INPP5B: variants seen among roughly 807,000 people sequenced by gnomAD.
INPP5B encodes type II inositol 1,4,5-trisphosphate 5-phosphatase.
INPP5B carries 90 observed loss-of-function variants against 118.5 expected under a neutral mutation model. The ratio of observed to expected loss-of-function variants is 0.76; its 90% CI spans 0.64 to 0.90. INPP5B has a LOEUF of 0.90. Ranked by LOEUF, INPP5B falls within the 40% of genes least tolerant of loss-of-function variation. INPP5B has a pLI of 0.00. For synonymous variants in INPP5B, 385 were observed against 418.9 expected (o/e 0.92, Z 0.99); for missense variants, 984 against 1,125.6 (o/e 0.87, Z 1.80).
chr1:37,880,078 G>T lies in INPP5B; in HGVS notation c.1541+7C>A. On this transcript the variant is annotated splice_region_variant and intron_variant, in intron 15 of 23. Coordinates refer to ENST00000373024, the MANE Select transcript of INPP5B (RefSeq NM_005540.3). The stretch of plus-strand genomic sequence containing the variant: ...TGCTCAACCCTTTGAAGCAACCTCT[G>T]ACCTACCTGGTATCCCAGTCGTCAG... 2 of 1,594,454 alleles carry T rather than the reference G, an allele frequency of 1.3e-6. No individual in the cohort carries two copies. The highest frequency in any genetic ancestry group is 1.7e-6 in the Non-Finnish European group (2 of 1,164,368).
intron 6 of INPP5B, among the ~76,000 whole-genome samples, chr1:37,938,715 T>C (rs180982394): frequency 6.6e-6 from 1 of 152,342 alleles, no homozygotes; most frequent in East Asian, 1.9e-4. Flanking sequence ...AAATATGTTA[T>C]CCTTTTATTT....
At position 37,945,776 on chromosome 1, in the gene INPP5B, C is replaced by T; in HGVS notation, c.132G>A (p.Glu44=). 6.2e-7 allele frequency: 1 copy of T among 1,613,956 alleles called. No homozygotes were observed. Among genetic ancestry groups the T allele is most frequent in the Non-Finnish European group, 8.5e-7 (1 of 1,179,896 alleles). Residue 44 remains glutamate, a synonymous_variant, in exon 3 of 24, where the codon GAG becomes GAA. Coordinates refer to ENST00000373024, the MANE Select transcript of INPP5B (RefSeq NM_005540.3). ...RLLGLVRYRL[E]HGGQEHALFL... is the part of the protein sequence containing the mutation. ...CTCACGCGTGTTCCTGGCCGCCGTGCTCCAGGCGGTAGCGCACGAGTCCCA... is the reference window on the plus strand; with the variant it reads ...CTCACGCGTGTTCCTGGCCGCCGTGTTCCAGGCGGTAGCGCACGAGTCCCA...
At chr1:37,932,074 G>A in intron 6 of INPP5B, 21 bp from the exon 7 acceptor site, 1 of 1,556,012 alleles carries the variant, frequency 6.4e-7, no homozygotes, top group South Asian at 1.2e-5. Flanking sequence ...ACAAATGGGG[G>A]CAGACTGAGC....
intron 21 of INPP5B, 37 bp from the exon 22 acceptor site, chr1:37,865,925 T>C (rs1642000538): frequency 6.2e-7 from 1 of 1,606,116 alleles, no homozygotes; most frequent in Non-Finnish European, 8.5e-7. Context: ...ATAATGCTGC[T>C]GTCCATGGTT....
intron 7 of INPP5B, chr1:37,931,368 C>G (rs1266527589): frequency 1.5e-6 from 2 of 1,304,830 alleles, no homozygotes; most frequent in Non-Finnish European, 1.0e-6. Context: ...GATGGAGCAA[C>G]AGGCCCAGAG....
At chr1:37,912,597 C>T (rs1644736307) in intron 7 of INPP5B, among the ~76,000 whole-genome samples, 1 of 152,138 alleles carries the variant, frequency 6.6e-6, no homozygotes, top group South Asian at 2.1e-4. Flanking sequence ...ATGCCCTGCC[C>T]TTGTTTACAC....
intron 7 of INPP5B, among the ~76,000 whole-genome samples, chr1:37,892,548 G>A (rs965598651): frequency 5.9e-5 from 9 of 152,198 alleles, no homozygotes; most frequent in African/African-American, 2.2e-4. Context: ...ATGGGAAGGA[G>A]CTCTGGAGGA....
intron 13 of INPP5B, chr1:37,883,457 G>A: frequency 1.0e-6 from 1 of 985,440 alleles, no homozygotes; most frequent in Non-Finnish European, 1.2e-6. Context: ...AGAGTGGAGT[G>A]TAGAAGGTGT....
chr1:37,909,376 C>T (rs961718142), intron 7 of INPP5B, among the ~76,000 whole-genome samples: 8 of 152,120 alleles, frequency 5.3e-5, no homozygotes, highest in Admixed American at 2.6e-4. Context: ...TCTGCTCCCC[C>T]ACCCTATAAC....
In INPP5B at chr1:37,887,483, C is replaced by A. The variant is rs1643610178; in HGVS notation, c.900-18G>T. 1 of 1,428,440 alleles carries A rather than the reference C, an allele frequency of 7.0e-7. No individual in the cohort carries two copies. The highest frequency in any genetic ancestry group is 9.8e-7 in the Non-Finnish European group (1 of 1,015,452). The allele number at this position is 1,428,440 out of a possible 1,614,324, so 88.5% of individuals were successfully genotyped here. A position where few individuals can be genotyped will look rare whatever the true frequency, so the allele number is the denominator to read the frequency against. Reference sequence around the variant, plus strand: ...CCTGGAACCTATTTTGAGAAGCAACCAGTTAGATAGTAAAGAAAAGTAATG... The same window carrying A: ...CCTGGAACCTATTTTGAGAAGCAACAAGTTAGATAGTAAAGAAAAGTAATG... On this transcript the variant is annotated intron_variant, in intron 10 of 23. Coordinates refer to ENST00000373024, the MANE Select transcript of INPP5B (RefSeq NM_005540.3).
intron 3 of INPP5B, among the ~76,000 whole-genome samples, 167 bp downstream of exon 3, chr1:37,945,589 G>A (rs182103117): frequency 5.1e-4 from 77 of 152,340 alleles, no homozygotes; most frequent in Admixed American, 4.7e-3. Context: ...GAGTTAGTAC[G>A]TGTGCAGGGT....
chr1:37,910,130 C>T (rs2148596854), intron 7 of INPP5B, among the ~76,000 whole-genome samples: 1 of 152,346 alleles, frequency 6.6e-6, no homozygotes, highest in East Asian at 1.9e-4. Context: ...TGAAGACTGA[C>T]ACTGCCCGAT....
rs1644554281 is a variant in INPP5B at position 37,907,972 on chromosome 1, T to C, written c.533-16518A>G. 6.6e-6 allele frequency among the ~76,000 whole-genome samples: 1 copy of C among 152,146 alleles called. No individual in the cohort carries two copies. The highest frequency in any genetic ancestry group is 1.5e-5 in the Non-Finnish European group (1 of 68,040). ...TGATTTGTTCCTGCCCCACCCTAAG[T>C]GATAGGCTATGTTCTCCCCCGCCCT... On this transcript the variant is annotated intron_variant, in intron 7 of 23. Coordinates refer to ENST00000373024, the MANE Select transcript of INPP5B (RefSeq NM_005540.3). This position sits in a 1 kb window ranked among gnomAD's most constrained non-coding sequence, Gnocchi z 4.3.
At chr1:37,887,265 T>C (rs1179568381) in intron 11 of INPP5B, 86 bp downstream of exon 11, 3 of 904,762 alleles carry the variant, frequency 3.3e-6, no homozygotes, top group Non-Finnish European at 3.5e-6. Flanking sequence ...TGGCTTAAGA[T>C]AAAGGTCATG....
At chr1:37,906,799 G>A (rs1472710931) in intron 7 of INPP5B, among the ~76,000 whole-genome samples, 1 of 150,564 alleles carries the variant, frequency 6.6e-6, no homozygotes, top group Non-Finnish European at 1.5e-5. Flanking sequence ...GGTGGAGGTT[G>A]CAATGAGCCG....
intron 7 of INPP5B, among the ~76,000 whole-genome samples, chr1:37,917,288 C>CG (rs1414576065): frequency 5.2e-5 from 4 of 77,050 alleles, no homozygotes; most frequent in African/African-American, 1.9e-4. Flanking sequence ...GACTCCGTCT[C>CG]GGGGGAAAAA....
Position 37,942,845 on chromosome 1 carries a change from G to C in INPP5B, c.280+795C>G, listed in dbSNP as rs933131686. Among the ~76,000 whole-genome samples, 4 of 147,414 alleles carry C rather than the reference G, an allele frequency of 2.7e-5. No individual in the cohort carries two copies. The South Asian group carries it at 6.9e-4, about 26-fold the overall frequency. ...AATCACTTGAACCTGGGAGGCGGAG[G>C]TTGCAGTGAGCCAAGATCATGCCAC... On this transcript the variant is annotated intron_variant, in intron 5 of 23. Transcript: ENST00000373024.
At chr1:37,921,689 A>G (rs988951926) in intron 7 of INPP5B, among the ~76,000 whole-genome samples, 1 of 151,980 alleles carries the variant, frequency 6.6e-6, no homozygotes, top group South Asian at 2.1e-4. Flanking sequence ...TCTACTAAAA[A>G]TACAAAAATT....
chr1:37,884,656 C>T (rs1360472983), intron 13 of INPP5B, among the ~76,000 whole-genome samples: 2 of 152,042 alleles, frequency 1.3e-5, no homozygotes, highest in Admixed American at 6.6e-5. Context: ...AAATTAAATA[C>T]TGAAAAAACA....
Sources: allele counts gnomAD v4.1 joint callset (sites outside exome capture counted in the v4.1 genomes callset), GRCh38; gene constraint gnomAD v4.1.1; non-coding constraint Gnocchi (gnomAD v3.1); transcripts MANE v1.5; gene names NCBI Gene and HGNC (gene_info 2026-07-23, HGNC 2026-07-21).